Variants in SPTBN1 observed in about 807,000 individuals in gnomAD.
SPTBN1 encodes the protein spectrin beta, non-erythrocytic 1.
SPTBN1 carries 32 observed loss-of-function variants against 266.4 expected under a neutral mutation model. The ratio of observed to expected loss-of-function variants is 0.12; its 90% CI spans 0.09 to 0.16. The LOEUF (loss-of-function observed/expected upper bound fraction) is 0.16, where lower values mean the gene tolerates loss of function less well. Ranked by LOEUF, SPTBN1 falls within the 10% of genes least tolerant of loss-of-function variation. SPTBN1 has a pLI of 1.00. For synonymous variants in SPTBN1, 1,336 were observed against 1,162.2 expected (o/e 1.15, Z -3.04); for missense variants, 2,296 against 3,067.1 (o/e 0.75, Z 5.94).
chr2:54,516,955 A>T (rs2104259870), intron 1 of SPTBN1, among the ~76,000 whole-genome samples: 1 of 152,328 alleles, frequency 6.6e-6, no homozygotes, highest in African/African-American at 2.4e-5. Flanking sequence ...TTCTGATGGC[A>T]ATTGGTCGAA....
rs151227194 is a variant in SPTBN1, at chr2:54,596,095, T to A, written c.149-2997T>A. On this transcript the variant is annotated intron_variant, in intron 2 of 35. Coordinates refer to ENST00000356805, the MANE Select transcript of SPTBN1 (RefSeq NM_003128.3). ...TGGAAGTCGGCTCACTGCCCTCTGC[T>A]GCCCCAACACCTCCTCACGCAGCTA... is the stretch of plus-strand genomic sequence containing the variant. Among the ~76,000 whole-genome samples, 11 of 152,270 alleles carry A rather than the reference T, an allele frequency of 7.2e-5. No homozygotes were observed. In the East Asian group the frequency reaches 2.1e-3, roughly 29 times the overall value.
chr2:54,642,229 G>A (rs925745819), intron 18 of SPTBN1, among the ~76,000 whole-genome samples: 6 of 152,220 alleles, frequency 3.9e-5, no homozygotes, highest in Non-Finnish European at 5.9e-5. Flanking sequence ...GGCTGACCCC[G>A]GTAAGAGAGC....
chr2:54,492,348 TG>T lies in SPTBN1; in HGVS notation c.-47-34023del, dbSNP rs774364757. 6.2e-3 allele frequency among the ~76,000 whole-genome samples: 885 copies of T among 142,250 alleles called. 24 individuals are homozygous for T. The highest frequency in any genetic ancestry group is 0.013 in the Admixed American group (190 of 14,470). The allele number at this position is 142,250 out of a possible 152,430, so 93.3% of individuals were successfully genotyped here. On this transcript the variant is annotated intron_variant, in intron 1 of 35. Transcript: ENST00000356805. ...TTTAGTTTGTCTGCAGTTGTTTTTT[TG>T]TTTTTTTTTTTTTTTGCTACTATAG...
Position 54,647,229 on chromosome 2 carries a change from C to T in SPTBN1, c.4965C>T (p.Ser1655=), listed in dbSNP as rs1385661416. The stretch of plus-strand genomic sequence containing the variant: ...CCGTGCATCAGCTCTCCAAGACCAG[C>T]CGGGCCCTGGTGGCCGACAGCCATC... ...AETVHQLSKT[S]RALVADSHPE... Residue 1655 remains serine, a synonymous_variant, in exon 24 of 36, where the codon AGC becomes AGT. Transcript: ENST00000356805. The T allele has an allele frequency of 6.2e-7, 1 of 1,614,068 alleles. No homozygotes were observed.
intron 2 of SPTBN1, among the ~76,000 whole-genome samples, chr2:54,537,436 T>C (rs1461711987): frequency 1.3e-5 from 2 of 152,150 alleles, no homozygotes; most frequent in Non-Finnish European, 2.9e-5. Flanking sequence ...TCCCCAAACA[T>C]TGGTGAGGAG....
chr2:54,670,618 T>C lies in SPTBN1; in HGVS notation c.*2049T>C, dbSNP rs1461289139. The stretch of plus-strand genomic sequence containing the variant: ...TTAAGGCAAAGTATCTTGGAAACAA[T>C]TGTGATTAATTACAGTCTTGTACTC... On this transcript the variant is annotated 3_prime_UTR_variant, in exon 36 of 36. Transcript: ENST00000356805. 1.7e-4 allele frequency: 67 copies of C among 398,430 alleles called. No homozygotes were observed. Among genetic ancestry groups the C allele is most frequent in the Non-Finnish European group, 2.1e-4 (47 of 226,044 alleles). 24.7% of individuals were successfully genotyped at this position (398,430 alleles called of 1,614,324 possible).
chr2:54,638,272 A>G lies in SPTBN1; in HGVS notation c.3858+469A>G, dbSNP rs184823736. Among the ~76,000 whole-genome samples, 166 of 152,358 alleles carry G rather than the reference A, an allele frequency of 1.1e-3. 1 individual carries two copies. The highest frequency in any genetic ancestry group is 3.4e-3 in the Middle Eastern group (1 of 294). ...GATGTCCTAGAATATTGTGCAACCT[A>G]GAAGTATTTAGTGTCATGCTTTCAC... On this transcript the variant is annotated intron_variant, in intron 18 of 35. Transcript: ENST00000356805.
intron 1 of SPTBN1, among the ~76,000 whole-genome samples, chr2:54,523,626 G>A (rs1670620490): frequency 1.3e-5 from 2 of 152,304 alleles, no homozygotes; most frequent in East Asian, 1.9e-4. Flanking sequence ...GTTATGTGCT[G>A]GAACTTTTAA....
chr2:54,557,392 A>AAG (rs1672946004), intron 2 of SPTBN1, among the ~76,000 whole-genome samples: 1 of 141,604 alleles, frequency 7.1e-6, no homozygotes, highest in Non-Finnish European at 1.5e-5. Context: ...AGTGAGGAAA[A>AAG]AGGGGGGACA....
intron 2 of SPTBN1, among the ~76,000 whole-genome samples, chr2:54,592,458 C>G (rs944900552): frequency 2.0e-5 from 3 of 151,738 alleles, no homozygotes; most frequent in Admixed American, 2.0e-4. Context: ...CACCTTGGCT[C>G]ACCGCAACCT....
At chr2:54,636,752 C>G (rs1320222696) in intron 17 of SPTBN1, among the ~76,000 whole-genome samples, 1 of 152,230 alleles carries the variant, frequency 6.6e-6, no homozygotes, top group Non-Finnish European at 1.5e-5. Context: ...CAGCTCTCCT[C>G]AGTTGCACTC....
chr2:54,474,185 G>C (rs1466324563), intron 1 of SPTBN1, among the ~76,000 whole-genome samples: 1 of 152,200 alleles, frequency 6.6e-6, no homozygotes, highest in African/African-American at 2.4e-5. Flanking sequence ...TGAACTTGTT[G>C]AACTGGTAAA....
chr2:54,571,094 C>A (rs1440646749), intron 2 of SPTBN1, among the ~76,000 whole-genome samples: 1 of 152,006 alleles, frequency 6.6e-6, no homozygotes, highest in Admixed American at 6.6e-5. Context: ...CAGATGAAAT[C>A]CTGGCTGTGG....
At chr2:54,667,040 G>A (rs546313112) in intron 34 of SPTBN1, among the ~76,000 whole-genome samples, 28 of 152,298 alleles carry the variant, frequency 1.8e-4, no homozygotes, top group African/African-American at 6.5e-4. Context: ...TTACACAACA[G>A]TACCCTCGTC....
chr2:54,537,054 C>T (rs1420978235), intron 2 of SPTBN1, among the ~76,000 whole-genome samples: 1 of 152,128 alleles, frequency 6.6e-6, no homozygotes, highest in Non-Finnish European at 1.5e-5. Flanking sequence ...TACATACATA[C>T]AAGAGAGTTA....
At chr2:54,459,903 TAGCAC>T (rs1693272705) in intron 1 of SPTBN1, among the ~76,000 whole-genome samples, 1 of 152,224 alleles carries the variant, frequency 6.6e-6, no homozygotes, top group Non-Finnish European at 1.5e-5. Context: ...ATTTTTCCGG[TAGCAC>T]TTGTAATTAT....
chr2:54,460,111 C>G (rs1388006896), intron 1 of SPTBN1, among the ~76,000 whole-genome samples: 1 of 152,214 alleles, frequency 6.6e-6, no homozygotes, highest in Admixed American at 6.5e-5. Flanking sequence ...AAGCTTGTTG[C>G]AAATGCAGAT....
rs184774381 is a variant in SPTBN1 at position 54,472,341 on chromosome 2, A to T, written c.-48+15823A>T. Reference sequence around the variant, plus strand: ...TGCGCCCAGCCTGAAGATTTTTTTTAAAAGTCCTATATTTTATATGTTTGA... The same window carrying T: ...TGCGCCCAGCCTGAAGATTTTTTTTTAAAGTCCTATATTTTATATGTTTGA... On this transcript the variant is annotated intron_variant, in intron 1 of 35. Transcript: ENST00000356805. Among the ~76,000 whole-genome samples the T allele has an allele frequency of 3.7e-3, 558 of 152,156 alleles. 2 individuals are homozygous for T. Among genetic ancestry groups the T allele is most frequent in the Middle Eastern group, 0.017 (5 of 294 alleles).
chr2:54,629,841 G>A, intron 14 of SPTBN1, 38 bp downstream of exon 14: 1 of 1,612,636 alleles, frequency 6.2e-7, no homozygotes, highest in Non-Finnish European at 8.5e-7. Flanking sequence ...CCTGTTCCTT[G>A]TGACCACCAG....
Sources: allele counts gnomAD v4.1 joint callset (sites outside exome capture counted in the v4.1 genomes callset), GRCh38; gene constraint gnomAD v4.1.1; transcripts MANE v1.5; gene names NCBI Gene and HGNC (gene_info 2026-07-23, HGNC 2026-07-21).